CHRNA4: variants seen among roughly 807,000 people sequenced by gnomAD.
CHRNA4 encodes the protein neuronal acetylcholine receptor subunit alpha-4.
Under a neutral mutation model 48.9 loss-of-function variants are expected in CHRNA4, and 28 were observed. The observed-to-expected ratio is 0.57, with a 90% CI of 0.42 to 0.79. The LOEUF (loss-of-function observed/expected upper bound fraction) is 0.79, where lower values mean the gene tolerates loss of function less well. Among genes scored for constraint, CHRNA4 ranks in the 30% least tolerant of loss-of-function variants. The pLI, the probability that CHRNA4 is intolerant of heterozygous loss-of-function variation, is 0.00. For synonymous variants in CHRNA4, 425 were observed against 402.3 expected, an observed-to-expected ratio of 1.06 and a Z score of -0.68; for missense variants, 859 against 898.4, an observed-to-expected ratio of 0.96 and a Z score of 0.56.
chr20:63,359,732 C>T (rs1384885444), intron 1 of CHRNA4, 33 bp from the exon 2 acceptor site: 2 of 1,606,136 alleles, frequency 1.2e-6, no homozygotes, highest in Non-Finnish European at 1.7e-6. Context: ...GGCTCAGGTG[C>T]AGGCGGGACA....
rs1392268432 is a variant in CHRNA4 at position 63,361,196 on chromosome 20, G to A, written c.-31C>T. 3.4e-6 allele frequency: 5 copies of A among 1,449,424 alleles called. No homozygotes were observed. The highest frequency in any genetic ancestry group is 1.5e-5 in the African/African-American group (1 of 67,276). 89.8% of individuals were successfully genotyped at this position (1,449,424 alleles called of 1,614,324 possible). A position where few individuals can be genotyped will look rare whatever the true frequency, so the allele number is the denominator to read the frequency against. ...ACGCACCTCGCGGGCTCTAGATGCG[G>A]GCGGCTCCCGGCTCCCCGCCGCTTC... On this transcript the variant is annotated 5_prime_UTR_variant, in exon 1 of 6. Coordinates refer to ENST00000370263, the MANE Select transcript of CHRNA4 (RefSeq NM_000744.7).
In CHRNA4 at chr20:63,343,846, T is replaced by C. The variant is rs1221814358; in HGVS notation, c.*2892A>G. 1 of 454,142 alleles carries C rather than the reference T, an allele frequency of 2.2e-6. No individual in the cohort carries two copies. The highest frequency in any genetic ancestry group is 4.4e-6 in the Non-Finnish European group (1 of 226,796). The allele number at this position is 454,142 out of a possible 1,614,324, so 28.1% of individuals were successfully genotyped here. ...GGGAAACGTTGGCTTAGTGTGAGAC[T>C]TTGATAGGGGGTCGGGGGTCACAGC... On this transcript the variant is annotated 3_prime_UTR_variant, in exon 6 of 6. Coordinates refer to ENST00000370263, the MANE Select transcript of CHRNA4 (RefSeq NM_000744.7).
At position 63,361,112 on chromosome 20, in the gene CHRNA4, A is replaced by AAGCAGCAGCAGCGGC. The variant is rs2068812836; in HGVS notation, c.39_53dup (p.Pro14_Leu18dup). On this transcript the variant is annotated inframe_insertion, in exon 1 of 6. Transcript: ENST00000370263. ...TACCGCGCAGGAGGCCGGTCCCCAG[A>AAGCAGCAGCAGCGGC]AGCAGCAGCAGCGGCGGCAGCAGCC... The AAGCAGCAGCAGCGGC allele has an allele frequency of 6.8e-7, 1 of 1,477,396 alleles. No homozygotes were observed. The highest frequency in any genetic ancestry group is 1.5e-5 in the African/African-American group (1 of 68,252). The allele number at this position is 1,477,396 out of a possible 1,614,324, so 91.5% of individuals were successfully genotyped here.
chr20:63,361,038 A>G, intron 1 of CHRNA4, 52 bp downstream of exon 1: 2 of 1,361,136 alleles, frequency 1.5e-6, no homozygotes, highest in South Asian at 1.5e-5. Context: ...TGGGGGTCCC[A>G]GGCCATCCGA....
rs759384493 is a variant in CHRNA4 at position 63,346,577 on chromosome 20, C to T, written c.*161G>A. 2.9e-5 allele frequency: 30 copies of T among 1,029,502 alleles called. No homozygotes were observed. The highest frequency in any genetic ancestry group is 7.9e-5 in the African/African-American group (5 of 63,274). 63.8% of individuals were successfully genotyped at this position (1,029,502 alleles called of 1,614,324 possible). On this transcript the variant is annotated 3_prime_UTR_variant, in exon 6 of 6. Coordinates refer to ENST00000370263, the MANE Select transcript of CHRNA4 (RefSeq NM_000744.7). ...TCGGTCTCCCCAGAGGCCGTGTCCC[C>T]GTCCAAGGCCGTCTTACAGCAGACA...
At chr20:63,356,153 C>CAGTGCCCTCCCACTCACCTGCTTCA in intron 3 of CHRNA4, 69 bp from the exon 4 acceptor site, 1 of 733,862 alleles carries the variant, frequency 1.4e-6, no homozygotes, top group Non-Finnish European at 2.1e-6. Context: ...CGGGACAGGG[C>CAGTGCCCTCCCACTCACCTGCTTCA]CAGGGTGGGG....
At chr20:63,352,769 C>CCCCCT (rs1484438383) in intron 4 of CHRNA4, among the ~76,000 whole-genome samples, 1 of 152,212 alleles carries the variant, frequency 6.6e-6, no homozygotes, top group Admixed American at 6.5e-5. Context: ...TGGGCAGGGC[C>CCCCCT]CCCCTCCCCC....
intron 2 of CHRNA4, among the ~76,000 whole-genome samples, chr20:63,357,202 A>G (rs4999739): frequency 0.02 from 206 of 10,150 alleles, 2 homozygotes; most frequent in African/African-American, 0.03. Context: ...ACAGGACCAC[A>G]TCTCCACTGA....
chr20:63,349,199 C>T (rs921349865), intron 5 of CHRNA4, among the ~76,000 whole-genome samples: 2 of 152,120 alleles, frequency 1.3e-5, no homozygotes, highest in Non-Finnish European at 2.9e-5. Flanking sequence ...CCCCCTACAT[C>T]CAGGCCCCAG....
At chr20:63,351,220 A>ACACCCACCCCCC (rs1568811916) in intron 4 of CHRNA4, 193 bp from the exon 5 acceptor site, 1 of 462,162 alleles carries the variant, frequency 2.2e-6, no homozygotes, top group Non-Finnish European at 4.0e-6. Context: ...GTCCACGTCC[A>ACACCCACCCCCC]CGCCCACATC....
At chr20:63,355,731 G>C in intron 4 of CHRNA4, 6 of 807,506 alleles carry the variant, frequency 7.4e-6, no homozygotes. Context: ...CCAGTGCTGA[G>C]ACCCAGGGAT....
At chr20:63,355,639 CCCCAGG>C in intron 4 of CHRNA4, 1 of 1,273,810 alleles carries the variant, frequency 7.9e-7, no homozygotes, top group South Asian at 1.3e-5. Flanking sequence ...AGGAGCCAGC[CCCCAGG>C]CCTCAGGACT....
intron 1 of CHRNA4, chr20:63,360,041 C>T: frequency 8.3e-6 from 3 of 360,518 alleles, no homozygotes; most frequent in South Asian, 7.2e-5. Context: ...CGGAGGCCTT[C>T]CCAGCACCTT....
At chr20:63,355,686 C>T (rs988855080) in intron 4 of CHRNA4, 6 of 966,792 alleles carry the variant, frequency 6.2e-6, no homozygotes, top group Non-Finnish European at 7.4e-6. Context: ...GTCCAGGTGC[C>T]ATAGCCACTC....
rs2068439662 is a variant in CHRNA4, at chr20:63,343,689, C to T, written c.*3049G>A. 2.2e-6 allele frequency: 1 copy of T among 446,084 alleles called. No individual in the cohort carries two copies. The highest frequency in any genetic ancestry group is 2.4e-5 in the Admixed American group (1 of 42,072). The allele number at this position is 446,084 out of a possible 1,614,324, so 27.6% of individuals were successfully genotyped here. The stretch of plus-strand genomic sequence containing the variant: ...GGCAGAAGGGGCTGGGAAGCCCTGG[C>T]CAGGGCCTTCACTGGGGCCTCCCCT... On this transcript the variant is annotated 3_prime_UTR_variant, in exon 6 of 6. Coordinates refer to ENST00000370263, the MANE Select transcript of CHRNA4 (RefSeq NM_000744.7).
intron 1 of CHRNA4, among the ~76,000 whole-genome samples, chr20:63,360,494 T>C (rs989188470): frequency 6.6e-6 from 1 of 152,110 alleles, no homozygotes; most frequent in African/African-American, 2.4e-5. Flanking sequence ...TCCTGGGCGC[T>C]GCCATAAGGG....
At position 63,350,124 on chromosome 20, in the gene CHRNA4, G is replaced by A. The variant is rs1017971680; in HGVS notation, c.1287C>T (p.Leu429=). Residue 429 remains leucine, a synonymous_variant, in exon 5 of 6, where the codon CTC becomes CTT. Coordinates refer to ENST00000370263, the MANE Select transcript of CHRNA4 (RefSeq NM_000744.7). ...GPSCKSPSDQ[L]PPQQPLEAEK... ...CAGCTTCCAGGGGCTGCTGAGGAGG[G>A]AGCTGGTCGGAGGGTGACTTGCAGG... The A allele has an allele frequency of 6.4e-7, 1 of 1,557,552 alleles. No individual in the cohort carries two copies. Among genetic ancestry groups the A allele is most frequent in the Non-Finnish European group, 8.7e-7 (1 of 1,149,334 alleles).
chr20:63,348,838 G>A (rs1453599818), intron 5 of CHRNA4, among the ~76,000 whole-genome samples: 2 of 151,246 alleles, frequency 1.3e-5, no homozygotes, highest in Non-Finnish European at 2.9e-5. Context: ...AAGGAAACAG[G>A]GAAGCTACCT....
At chr20:63,359,381 C>T (rs2068766232) in intron 2 of CHRNA4, 167 bp downstream of exon 2, 3 of 854,168 alleles carry the variant, frequency 3.5e-6, no homozygotes, top group South Asian at 3.1e-5. Flanking sequence ...TTGGCTGGGG[C>T]TCAGGCGGGG....
Sources: gnomAD v4.1 joint callset for allele counts (sites outside exome capture counted in the v4.1 genomes callset) on GRCh38, gnomAD v4.1.1 for gene constraint, MANE v1.5 for transcripts, NCBI Gene and HGNC (gene_info 2026-07-23, HGNC 2026-07-21) for gene names.